The following CACNA2D3 variants were observed in gnomAD, a reference collection of about 807,000 sequenced individuals.
CACNA2D3 encodes the protein voltage-dependent calcium channel subunit alpha-2/delta-3.
A neutral mutation model predicts 160.6 loss-of-function variants in CACNA2D3; 60 were observed. That is an observed-to-expected ratio of 0.37 (90% CI 0.30 to 0.46). The LOEUF (loss-of-function observed/expected upper bound fraction) is 0.46. Ranked by LOEUF, CACNA2D3 falls within the 20% of genes least tolerant of loss-of-function variation. CACNA2D3 has a pLI of 1.00. For synonymous variants in CACNA2D3, 558 were observed against 492.9 expected (o/e 1.13, Z -1.75); for missense variants, 1,205 against 1,365.0 (o/e 0.88, Z 1.85).
intron 4 of CACNA2D3, among the ~76,000 whole-genome samples, chr3:54,466,774 A>G (rs970062143): frequency 1.3e-5 from 2 of 152,186 alleles, no homozygotes; most frequent in Non-Finnish European, 2.9e-5. Context: ...AACACTGTAT[A>G]ATTATAAGTA....
Position 54,408,231 on chromosome 3 carries a change from C to G in CACNA2D3, c.381+21457C>G, listed in dbSNP as rs372562098. On this transcript the variant is annotated intron_variant, in intron 4 of 37. Transcript: ENST00000474759. Reference sequence around the variant, plus strand: ...CACCTAGTTTGGGAGTTCAGGGTACCTTGGAGAAAATCCCCAAAGGTCAAG... The same window carrying G: ...CACCTAGTTTGGGAGTTCAGGGTACGTTGGAGAAAATCCCCAAAGGTCAAG... Among the ~76,000 whole-genome samples the G allele has an allele frequency of 2.6e-5, 4 of 152,084 alleles. No homozygotes were observed. The East Asian group carries it at 7.7e-4, about 29-fold the overall frequency.
intron 35 of CACNA2D3, among the ~76,000 whole-genome samples, chr3:55,063,670 G>T (rs1229369965): frequency 6.6e-6 from 1 of 152,074 alleles, no homozygotes; most frequent in Non-Finnish European, 1.5e-5. Context: ...CGTCAGGCTG[G>T]AGAGAGAGCC....
At chr3:55,071,236 G>A (rs1385944731) in intron 35 of CACNA2D3, among the ~76,000 whole-genome samples, 4 of 151,732 alleles carry the variant, frequency 2.6e-5, no homozygotes, top group African/African-American at 7.3e-5. Flanking sequence ...TTCTGTTTTA[G>A]GAGTGTTTGT....
chr3:54,330,189 C>T, intron 3 of CACNA2D3, among the ~76,000 whole-genome samples: 1 of 145,246 alleles, frequency 6.9e-6, no homozygotes, highest in African/African-American at 2.6e-5. Context: ...ATTTTTTGTT[C>T]TTGTATGCTT....
chr3:54,441,768 C>G (rs376493667), intron 4 of CACNA2D3, among the ~76,000 whole-genome samples: 1 of 152,108 alleles, frequency 6.6e-6, no homozygotes, highest in Non-Finnish European at 1.5e-5. Flanking sequence ...TTTTATGTGC[C>G]AGGTATCATT....
chr3:54,774,888 C>T (rs1702397004), intron 13 of CACNA2D3, among the ~76,000 whole-genome samples: 1 of 152,134 alleles, frequency 6.6e-6, no homozygotes. Context: ...CCTGCCTTAG[C>T]CTCCCAAAGT....
chr3:54,909,946 A>G (rs1203583995), intron 27 of CACNA2D3, among the ~76,000 whole-genome samples: 1 of 152,190 alleles, frequency 6.6e-6, no homozygotes, highest in Non-Finnish European at 1.5e-5. Context: ...AAAGTCCAGT[A>G]CATGGACTTT....
intron 11 of CACNA2D3, among the ~76,000 whole-genome samples, chr3:54,729,229 T>C (rs574442320): frequency 6.6e-6 from 1 of 152,278 alleles, no homozygotes; most frequent in Non-Finnish European, 1.5e-5. Context: ...CCTCATATTC[T>C]TCCCTATTAA....
intron 4 of CACNA2D3, among the ~76,000 whole-genome samples, chr3:54,500,181 G>A (rs1213410655): frequency 6.6e-6 from 1 of 152,100 alleles, no homozygotes; most frequent in Non-Finnish European, 1.5e-5. Context: ...TCCCTGCTCT[G>A]AAGTCTGTTT....
chr3:54,944,710 C>T (rs143744041), intron 27 of CACNA2D3, among the ~76,000 whole-genome samples: 2,262 of 151,886 alleles, frequency 0.015, 55 homozygotes, highest in African/African-American at 0.051. Flanking sequence ...CGTGAGCCAC[C>T]GCGCCCAGCC....
intron 27 of CACNA2D3, chr3:54,918,413 C>T (rs753646992): frequency 2.0e-5 from 29 of 1,477,952 alleles, no homozygotes; most frequent in South Asian, 3.5e-5. Context: ...TACTCAGACA[C>T]TATCTTCTGG....
At chr3:55,054,743 A>T (rs914770387) in intron 35 of CACNA2D3, among the ~76,000 whole-genome samples, 5 of 151,902 alleles carry the variant, frequency 3.3e-5, no homozygotes, top group Admixed American at 2.0e-4. Flanking sequence ...AAGTTTCTTC[A>T]CATGCATAGT....
chr3:54,136,079 T>G (rs139167444), intron 2 of CACNA2D3, among the ~76,000 whole-genome samples: 1 of 152,236 alleles, frequency 6.6e-6, no homozygotes, highest in Admixed American at 6.5e-5. Flanking sequence ...TGTTCTAGTT[T>G]ATGCGGAAGG....
chr3:54,380,809 G>A (rs1699091457), intron 3 of CACNA2D3, among the ~76,000 whole-genome samples: 1 of 152,196 alleles, frequency 6.6e-6, no homozygotes, highest in South Asian at 2.1e-4. Context: ...GGTTGTGATA[G>A]TAATTACTAC....
At chr3:54,148,794 T>C (rs1285937926) in intron 2 of CACNA2D3, among the ~76,000 whole-genome samples, 1 of 151,698 alleles carries the variant, frequency 6.6e-6, no homozygotes, top group Admixed American at 6.6e-5. Context: ...CTGACCAACA[T>C]GGTGAAACCC....
At chr3:54,542,351 C>T (rs1470590461) in intron 5 of CACNA2D3, among the ~76,000 whole-genome samples, 6 of 152,144 alleles carry the variant, frequency 3.9e-5, no homozygotes, top group East Asian at 1.9e-4. Flanking sequence ...TGAGCCACCA[C>T]ACCCAGCCTG....
chr3:54,464,298 T>C (rs903857611), intron 4 of CACNA2D3, among the ~76,000 whole-genome samples: 5 of 152,184 alleles, frequency 3.3e-5, no homozygotes, highest in Non-Finnish European at 5.9e-5. Context: ...ACTGCTCTCT[T>C]CAAAGCTGTC....
chr3:54,799,005 T>C (rs1575481069), intron 13 of CACNA2D3, among the ~76,000 whole-genome samples: 1 of 152,236 alleles, frequency 6.6e-6, no homozygotes, highest in Non-Finnish European at 1.5e-5. Flanking sequence ...AATCAAAACA[T>C]GTCATTTTAA....
At chr3:54,460,517 A>T (rs191811631) in intron 4 of CACNA2D3, among the ~76,000 whole-genome samples, 160 of 152,164 alleles carry the variant, frequency 1.1e-3, no homozygotes, top group African/African-American at 3.6e-3. Flanking sequence ...AATCCTAGGT[A>T]TTTTATTCTC....
Sources: gnomAD v4.1 joint callset for allele counts (sites outside exome capture counted in the v4.1 genomes callset) on GRCh38, gnomAD v4.1.1 for gene constraint, MANE v1.5 for transcripts, NCBI Gene and HGNC (gene_info 2026-07-23, HGNC 2026-07-21) for gene names.